EML4: variants seen among roughly 807,000 people sequenced by gnomAD.
EML4 encodes EMAP like 4, also known as echinoderm microtubule-associated protein-like 4.
In EML4, 72 loss-of-function variants were observed where a neutral mutation model predicts 129.0. The ratio of observed to expected loss-of-function variants is 0.56; its 90% CI spans 0.46 to 0.68. EML4 has a LOEUF of 0.68. Ranked by LOEUF, EML4 falls within the 30% of genes least tolerant of loss-of-function variation. The pLI is 0.00. For synonymous variants in EML4, 532 were observed against 405.0 expected, an observed-to-expected ratio of 1.31 and a Z score of -3.77; for missense variants, 1,363 against 1,190.6, an observed-to-expected ratio of 1.14 and a Z score of -2.13.
At chr2:42,236,355 T>G (rs777098012) in intron 1 of EML4, among the ~76,000 whole-genome samples, 1 of 152,248 alleles carries the variant, frequency 6.6e-6, no homozygotes, top group Non-Finnish European at 1.5e-5. Context: ...CCAATTTGTT[T>G]TTATGATGAA....
rs536854739 is a variant in EML4, at chr2:42,172,048, G to A, written c.25+2412G>A. The stretch of plus-strand genomic sequence containing the variant: ...AAGGCAAGCACTTCTACTCTAGTAG[G>A]TGTTTAAAAACTTTTTTTTTTTTTA... On this transcript the variant is annotated intron_variant, in intron 1 of 22. Coordinates refer to ENST00000318522, the MANE Select transcript of EML4 (RefSeq NM_019063.5). Among the ~76,000 whole-genome samples the A allele has an allele frequency of 1.6e-3, 240 of 152,062 alleles. 1 individual carries two copies. The highest frequency in any genetic ancestry group is 5.6e-3 in the African/African-American group (232 of 41,478).
rs10490555 is a variant in EML4, at chr2:42,295,616, A to G, written c.1489+100A>G. The stretch of plus-strand genomic sequence containing the variant: ...GGAGAGAAAGAGCTGCAGTGTAACA[A>G]TATGAGCAAGTCACCAACATACCTT... On this transcript the variant is annotated intron_variant, in intron 13 of 22. Transcript: ENST00000318522. The G allele has an allele frequency of 0.31, 302,996 of 990,896 alleles. 50,444 individuals are homozygous for G. The highest frequency in any genetic ancestry group is 0.55 in the East Asian group (21,081 of 38,014). 61.4% of individuals were successfully genotyped at this position (990,896 alleles called of 1,614,324 possible).
chr2:42,273,072 T>A (rs1210206261), intron 6 of EML4, among the ~76,000 whole-genome samples: 2 of 152,194 alleles, frequency 1.3e-5, no homozygotes, highest in East Asian at 3.8e-4. Context: ...TATTTTGACA[T>A]TTGAAGTTTC....
chr2:42,234,519 G>C (rs1674539026), intron 1 of EML4, among the ~76,000 whole-genome samples: 2 of 152,180 alleles, frequency 1.3e-5, no homozygotes, highest in South Asian at 4.2e-4. Context: ...TGTGACAAAA[G>C]AAGTCTGAGG....
intron 18 of EML4, among the ~76,000 whole-genome samples, chr2:42,316,499 G>A (rs964387432): frequency 6.6e-6 from 1 of 152,168 alleles, no homozygotes; most frequent in Non-Finnish European, 1.5e-5. Context: ...CGGTTACATA[G>A]TAATGATTGG....
intron 13 of EML4, among the ~76,000 whole-genome samples, chr2:42,300,739 G>A (rs1668236596): frequency 6.6e-6 from 1 of 152,158 alleles, no homozygotes; most frequent in South Asian, 2.1e-4. Flanking sequence ...ACCTCAGAAG[G>A]TCAACCAAAG....
intron 7 of EML4, 111 bp from the exon 8 acceptor site, chr2:42,282,712 C>T: frequency 1.0e-6 from 1 of 962,920 alleles, no homozygotes; most frequent in South Asian, 1.4e-5. Context: ...TTTTCTAGTT[C>T]TAGTTCAGTC....
At chr2:42,295,756 A>G (rs1667910116) in intron 13 of EML4, among the ~76,000 whole-genome samples, 1 of 152,194 alleles carries the variant, frequency 6.6e-6, no homozygotes, top group South Asian at 2.1e-4. Flanking sequence ...GGAAGTTAAT[A>G]ATTAGAAAGA....
chr2:42,217,000 G>GA (rs1420782342), intron 1 of EML4, among the ~76,000 whole-genome samples: 1 of 151,520 alleles, frequency 6.6e-6, no homozygotes, highest in Non-Finnish European at 1.5e-5. Flanking sequence ...AAGGAAGTTA[G>GA]AAAAAAAATA....
intron 2 of EML4, among the ~76,000 whole-genome samples, chr2:42,247,990 A>T (rs1337794171): frequency 2.0e-5 from 3 of 152,060 alleles, no homozygotes; most frequent in Non-Finnish European, 1.5e-5. Context: ...TAAATAGTTT[A>T]TATTAGTTTT....
At chr2:42,173,569 C>T (rs956380730) in intron 1 of EML4, among the ~76,000 whole-genome samples, 2 of 152,096 alleles carry the variant, frequency 1.3e-5, no homozygotes, top group African/African-American at 4.8e-5. Flanking sequence ...AGTACCATGA[C>T]TAGGTGCAGT....
intron 1 of EML4, among the ~76,000 whole-genome samples, chr2:42,189,660 AT>A (rs1276751116): frequency 6.6e-6 from 1 of 152,220 alleles, no homozygotes; most frequent in Admixed American, 6.5e-5. Context: ...ACAGACATTA[AT>A]ATCTGTATTT....
chr2:42,252,126 G>C (rs911449176), intron 2 of EML4, among the ~76,000 whole-genome samples: 1 of 152,212 alleles, frequency 6.6e-6, no homozygotes, highest in Non-Finnish European at 1.5e-5. Flanking sequence ...AAGGATTTCA[G>C]ATTTTGAGCT....
intron 7 of EML4, 138 bp from the exon 8 acceptor site, chr2:42,282,685 C>A: frequency 2.7e-6 from 2 of 739,976 alleles, no homozygotes; most frequent in Non-Finnish European, 4.5e-6. Context: ...GAGCACTCTG[C>A]CCGTCCAGGA....
chr2:42,326,968 C>A (rs904750820), intron 21 of EML4, among the ~76,000 whole-genome samples: 1 of 151,988 alleles, frequency 6.6e-6, no homozygotes, highest in African/African-American at 2.4e-5. Context: ...TTTTCATTAC[C>A]CCACAAAGAA....
At chr2:42,288,369 G>C (rs761851943) in intron 11 of EML4, 47 bp downstream of exon 11, 2 of 961,430 alleles carry the variant, frequency 2.1e-6, no homozygotes, top group East Asian at 2.5e-5. Flanking sequence ...TACGTTACTT[G>C]TTTTGCAGGT....
At chr2:42,216,959 G>A (rs1342692615) in intron 1 of EML4, among the ~76,000 whole-genome samples, 1 of 152,086 alleles carries the variant, frequency 6.6e-6, no homozygotes, top group African/African-American at 2.4e-5. Context: ...CTTGGTTCCT[G>A]GTTGATTTTG....
chr2:42,230,343 T>C (rs1320598537), intron 1 of EML4, among the ~76,000 whole-genome samples: 2 of 152,194 alleles, frequency 1.3e-5, no homozygotes, highest in Non-Finnish European at 2.9e-5. Flanking sequence ...TCCTACAATA[T>C]TATGAGTTGT....
chr2:42,288,495 G>C (rs1667439167), intron 11 of EML4, 173 bp downstream of exon 11: 1 of 377,140 alleles, frequency 2.7e-6, no homozygotes, highest in Non-Finnish European at 4.8e-6. Flanking sequence ...TAACACTATA[G>C]TTATACAAGA....
Sources: allele counts gnomAD v4.1 joint callset (sites outside exome capture counted in the v4.1 genomes callset), GRCh38; gene constraint gnomAD v4.1.1; transcripts MANE v1.5; gene names NCBI Gene and HGNC (gene_info 2026-07-23, HGNC 2026-07-21).